The following SPHKAP variants were observed in gnomAD, a reference collection of about 807,000 sequenced individuals.
SPHKAP encodes the protein A-kinase anchor protein SPHKAP.
In SPHKAP, 67 loss-of-function variants were observed where a neutral mutation model predicts 137.5. That is an observed-to-expected ratio of 0.49 (90% CI 0.40 to 0.60). The LOEUF is 0.60. Among genes scored for constraint, SPHKAP ranks in the 20% least tolerant of loss-of-function variants. The probability of loss-of-function intolerance (pLI) is 0.00; values close to 1 mark genes in which losing one functional copy is unlikely to be tolerated. For missense variants in SPHKAP, 2,097 were observed against 2,069.3 expected (o/e 1.01, Z -0.26); for synonymous variants, 813 against 785.3 (o/e 1.04, Z -0.59).
intron 1 of SPHKAP, among the ~76,000 whole-genome samples, chr2:228,180,243 C>A (rs919280283): frequency 1.8e-4 from 27 of 152,236 alleles, no homozygotes; most frequent in African/African-American, 5.1e-4. Context: ...TTGCTATCCC[C>A]GCAGCGAAGG....
At chr2:228,118,952 T>A (rs1360879558) in intron 2 of SPHKAP, among the ~76,000 whole-genome samples, 1 of 152,152 alleles carries the variant, frequency 6.6e-6, no homozygotes, top group Non-Finnish European at 1.5e-5. Context: ...AATAAGCATA[T>A]ATGTCAGATA....
At chr2:228,020,225 A>G in intron 6 of SPHKAP, 69 bp from the exon 7 acceptor site, 1 of 1,509,050 alleles carries the variant, frequency 6.6e-7, no homozygotes, top group East Asian at 2.3e-5. Context: ...TTAAGTAATA[A>G]TTACTTTCTA....
At chr2:228,066,163 T>A (rs991194844) in intron 3 of SPHKAP, among the ~76,000 whole-genome samples, 3 of 152,164 alleles carry the variant, frequency 2.0e-5, no homozygotes, top group African/African-American at 7.2e-5. Context: ...GGTTCAGCTA[T>A]TTTTCTCTAA....
chr2:227,999,791 T>C (rs1206635470), intron 7 of SPHKAP, among the ~76,000 whole-genome samples: 1 of 152,228 alleles, frequency 6.6e-6, no homozygotes, highest in Admixed American at 6.5e-5. Flanking sequence ...CATTTATTTA[T>C]GAATAATGCA....
At chr2:228,046,029 T>A (rs1020928444) in intron 3 of SPHKAP, among the ~76,000 whole-genome samples, 4 of 152,064 alleles carry the variant, frequency 2.6e-5, no homozygotes, top group Non-Finnish European at 5.9e-5. Context: ...CTATATTGTT[T>A]ACTTGAATTT....
At chr2:228,105,414 C>T (rs1414605024) in intron 3 of SPHKAP, among the ~76,000 whole-genome samples, 1 of 152,112 alleles carries the variant, frequency 6.6e-6, no homozygotes, top group Non-Finnish European at 1.5e-5. Context: ...CCCTCATTTC[C>T]TTTCTTTTAA....
At chr2:228,157,205 C>T (rs1475193888) in intron 1 of SPHKAP, among the ~76,000 whole-genome samples, 1 of 152,050 alleles carries the variant, frequency 6.6e-6, no homozygotes, top group African/African-American at 2.4e-5. Flanking sequence ...TTTCTTTGTA[C>T]ACAAATAATA....
At chr2:228,032,654 G>A (rs980646038) in intron 3 of SPHKAP, among the ~76,000 whole-genome samples, 7 of 152,204 alleles carry the variant, frequency 4.6e-5, no homozygotes, top group South Asian at 2.1e-4. Context: ...ACAAAGGGAA[G>A]CCCATCAGAC....
rs1000016021 is a variant in SPHKAP at position 227,980,752 on chromosome 2, G to A, written c.*965C>T. ...GCTGTACAGGTAGCAGCACATACGT[G>A]ATGAAACAGGCCACTGAGCTCAATG... On this transcript the variant is annotated 3_prime_UTR_variant, in exon 12 of 12. Transcript: ENST00000392056. The A allele has an allele frequency of 5.3e-5, 8 of 152,102 alleles. No homozygotes were observed. Among genetic ancestry groups the A allele is most frequent in the African/African-American group, 1.7e-4 (7 of 41,414 alleles). The allele number at this position is 152,102 out of a possible 1,614,324, so 9.4% of individuals were successfully genotyped here.
chr2:228,123,772 C>T (rs996493488), intron 2 of SPHKAP, among the ~76,000 whole-genome samples: 5 of 152,026 alleles, frequency 3.3e-5, no homozygotes, highest in African/African-American at 1.2e-4. Flanking sequence ...CTTTTGTTGC[C>T]ATTGCTTTTT....
intron 1 of SPHKAP, among the ~76,000 whole-genome samples, chr2:228,134,773 G>C (rs1699380661): frequency 6.6e-6 from 1 of 152,190 alleles, no homozygotes; most frequent in Admixed American, 6.5e-5. Flanking sequence ...ACAGCTCTGT[G>C]TCCTGTTGCT....
intron 3 of SPHKAP, among the ~76,000 whole-genome samples, chr2:228,101,604 T>G (rs1436689426): frequency 5.3e-5 from 8 of 152,240 alleles, no homozygotes; most frequent in Non-Finnish European, 1.2e-4. Flanking sequence ...ATAACACACT[T>G]AATCCTTGAA....
At chr2:228,180,075 AT>A (rs931289103) in intron 1 of SPHKAP, among the ~76,000 whole-genome samples, 4 of 151,912 alleles carry the variant, frequency 2.6e-5, no homozygotes, top group African/African-American at 7.3e-5. Context: ...ATCACTGGCA[AT>A]TTTTTTTAAG....
chr2:228,005,365 G>A (rs1465458754), intron 7 of SPHKAP, among the ~76,000 whole-genome samples: 1 of 152,328 alleles, frequency 6.6e-6, no homozygotes. Context: ...CAGAGACTAG[G>A]ATTGTAACCC....
chr2:228,083,750 G>C (rs540670438), intron 3 of SPHKAP, among the ~76,000 whole-genome samples: 14 of 152,246 alleles, frequency 9.2e-5, no homozygotes, highest in Middle Eastern at 3.4e-3. Flanking sequence ...ATATTATGCA[G>C]CCATGAAATA....
At chr2:228,002,819 T>C (rs1369259044) in intron 7 of SPHKAP, among the ~76,000 whole-genome samples, 3 of 152,238 alleles carry the variant, frequency 2.0e-5, no homozygotes, top group Non-Finnish European at 4.4e-5. Context: ...ATTTGTTAAA[T>C]AGGGAATCCT....
intron 3 of SPHKAP, among the ~76,000 whole-genome samples, chr2:228,028,314 G>C (rs1400955581): frequency 6.6e-6 from 1 of 152,068 alleles, no homozygotes; most frequent in African/African-American, 2.4e-5. Flanking sequence ...AATAAGCCAG[G>C]ACTCCTCTTT....
rs180932328 is a variant in SPHKAP, at chr2:228,003,408, G to T, written c.4449-7714C>A. On this transcript the variant is annotated intron_variant, in intron 7 of 11. Transcript: ENST00000392056. ...AGAATGCTTGTGATTTTTGCACATT[G>T]ATTTTGTATCCTGAGACTTTGCTGA... Among the ~76,000 whole-genome samples, 1,270 of 152,276 alleles carry T rather than the reference G, an allele frequency of 8.3e-3. 10 individuals carry two copies. The highest frequency in any genetic ancestry group is 0.025 in the African/African-American group (1,046 of 41,548).
intron 3 of SPHKAP, among the ~76,000 whole-genome samples, chr2:228,069,180 T>C (rs1309282150): frequency 3.3e-5 from 5 of 152,084 alleles, no homozygotes; most frequent in African/African-American, 1.2e-4. Context: ...CATGGGAGAA[T>C]CGCTTGAACC....
Sources: gnomAD v4.1 joint callset for allele counts (sites outside exome capture counted in the v4.1 genomes callset) on GRCh38, gnomAD v4.1.1 for gene constraint, MANE v1.5 for transcripts, NCBI Gene and HGNC (gene_info 2026-07-23, HGNC 2026-07-21) for gene names.